The following CEP192 variants were observed in gnomAD, a reference collection of about 807,000 sequenced individuals.
CEP192 encodes the protein centrosomal protein 192.
A neutral mutation model predicts 271.8 loss-of-function variants in CEP192; 151 were observed. That is an observed-to-expected ratio of 0.56 (90% CI 0.49 to 0.64). CEP192 has a LOEUF of 0.64. Among genes scored for constraint, CEP192 ranks in the 30% least tolerant of loss-of-function variants. CEP192 has a pLI of 0.00. For synonymous variants in CEP192, 995 were observed against 1,076.5 expected (o/e 0.92, Z 1.48); for missense variants, 2,910 against 3,020.5 (o/e 0.96, Z 0.86).
intron 13 of CEP192, among the ~76,000 whole-genome samples, chr18:13,038,852 G>A (rs1598425927): frequency 1.3e-5 from 2 of 152,236 alleles, no homozygotes; most frequent in Admixed American, 6.5e-5. Context: ...TAAATGTGAC[G>A]GTTCATGTAA....
chr18:13,026,510 T>C (rs2035309377), intron 9 of CEP192, among the ~76,000 whole-genome samples: 1 of 152,230 alleles, frequency 6.6e-6, no homozygotes, highest in African/African-American at 2.4e-5. Context: ...GTCTTCTCTT[T>C]TTGATATCTC....
chr18:13,090,289 A>G (rs1488699690), intron 33 of CEP192, among the ~76,000 whole-genome samples: 1 of 152,234 alleles, frequency 6.6e-6, no homozygotes, highest in African/African-American at 2.4e-5. Flanking sequence ...GAACAATAAT[A>G]TGAATCTGTA....
intron 9 of CEP192, among the ~76,000 whole-genome samples, chr18:13,023,362 A>G (rs535042434): frequency 2.3e-4 from 35 of 152,214 alleles, no homozygotes; most frequent in Non-Finnish European, 4.1e-4. Flanking sequence ...CTTACTATTA[A>G]GTATGATGCT....
chr18:13,017,086 A>G (rs1255487637), intron 6 of CEP192, 102 bp from the exon 7 acceptor site: 1 of 818,996 alleles, frequency 1.2e-6, no homozygotes, highest in Non-Finnish European at 1.8e-6. Flanking sequence ...CCAAAATCTT[A>G]GTCCATTGAC....
intron 11 of CEP192, among the ~76,000 whole-genome samples, chr18:13,031,144 G>GA: frequency 6.6e-6 from 1 of 152,124 alleles, no homozygotes; most frequent in Admixed American, 6.5e-5. Context: ...TTGAGCTGGA[G>GA]ACTGTGAAGA....
At chr18:13,091,769 T>TG (rs895515122) in intron 33 of CEP192, among the ~76,000 whole-genome samples, 1 of 152,182 alleles carries the variant, frequency 6.6e-6, no homozygotes, top group African/African-American at 2.4e-5. Flanking sequence ...ATGTTTATCT[T>TG]GAACACTCTT....
chr18:13,057,149 T>C (rs1401426321), intron 19 of CEP192, among the ~76,000 whole-genome samples: 1 of 152,152 alleles, frequency 6.6e-6, no homozygotes, highest in East Asian at 1.9e-4. Context: ...CTGTCTTCTC[T>C]GCCCTCCGGA....
At chr18:13,055,447 A>AT (rs1215788555) in intron 18 of CEP192, among the ~76,000 whole-genome samples, 19 of 152,098 alleles carry the variant, frequency 1.2e-4, no homozygotes, top group Admixed American at 1.0e-3. Context: ...ATTTATTTGG[A>AT]TTTTTTTGTA....
rs532002837 is a variant in CEP192, at chr18:13,062,572, A to G, written c.4488+3260A>G. On this transcript the variant is annotated intron_variant, in intron 21 of 44. Transcript: ENST00000506447. ...TCTGGAGTGGTATGGAATTTTTTTT[A>G]ATTTAAAATTTTTCTTTTATTTAAA... Among the ~76,000 whole-genome samples, 307 of 147,938 alleles carry G rather than the reference A, an allele frequency of 2.1e-3. 2 individuals carry two copies. The highest frequency in any genetic ancestry group is 0.021 in the Middle Eastern group (6 of 290).
chr18:13,012,877 C>G, intron 4 of CEP192, 96 bp from the exon 5 acceptor site: 1 of 665,994 alleles, frequency 1.5e-6, no homozygotes, highest in Non-Finnish European at 2.6e-6. Flanking sequence ...TATTCTATTT[C>G]AAGAGAAAAA....
chr18:13,042,220 G>T lies in CEP192; in HGVS notation c.1953G>T (p.Gln651His), dbSNP rs750629373. Residue 651 changes from glutamine (Q) to histidine (H), a missense_variant, in exon 15 of 45, where the codon CAG becomes CAT. By Grantham distance (24) the Gln-to-His change is conservative (BLOSUM62 0). Coordinates refer to ENST00000506447, the MANE Select transcript of CEP192 (RefSeq NM_032142.4). Reference protein sequence around the residue: ...HDLYSGDLNEQSQAQLSEGSI... With the variant: ...HDLYSGDLNEHSQAQLSEGSI... ...TTCCTGCAGGAGATTTAAATGAACA[G>T]TCCCAGGCACAGCTAAGTGAAGGAT... 6.2e-7 allele frequency: 1 copy of T among 1,612,584 alleles called. No individual in the cohort carries two copies.
chr18:13,028,519 T>A (rs1197655295), intron 9 of CEP192, among the ~76,000 whole-genome samples: 1 of 150,976 alleles, frequency 6.6e-6, no homozygotes, highest in Non-Finnish European at 1.5e-5. Context: ...TGTTTATTTA[T>A]TTTATTTATT....
chr18:13,015,414 A>G lies in CEP192; in HGVS notation c.606A>G (p.Lys202=). The G allele has an allele frequency of 6.4e-7, 1 of 1,551,408 alleles. No individual in the cohort carries two copies. The highest frequency in any genetic ancestry group is 8.7e-7 in the Non-Finnish European group (1 of 1,146,814). Residue 202 remains lysine, a synonymous_variant, in exon 6 of 45, where the codon AAA becomes AAG. Coordinates refer to ENST00000506447, the MANE Select transcript of CEP192 (RefSeq NM_032142.4). ...ACACTAGCTTATTAGAAAATGAGAA[A>G]CTTATCTTACCGACAAGCTTGGAAG... ...LSHTSLLENE[K]LILPTSLEDS... is the part of the protein sequence containing the mutation.
At position 13,109,343 on chromosome 18, in the gene CEP192, T is replaced by C. The variant is rs371518397; in HGVS notation, c.7048-4243T>C. Among the ~76,000 whole-genome samples the C allele has an allele frequency of 1.6e-4, 24 of 152,232 alleles. No homozygotes were observed. In the East Asian group the frequency reaches 3.7e-3, roughly 23 times the overall value. On this transcript the variant is annotated intron_variant, in intron 40 of 44. Coordinates refer to ENST00000506447, the MANE Select transcript of CEP192 (RefSeq NM_032142.4). ...TCACTTATAAGTTGGAGCTAAATATTGGGTACTCATGGATATAAAGATGAC... is the reference window on the plus strand; with the variant it reads ...TCACTTATAAGTTGGAGCTAAATATCGGGTACTCATGGATATAAAGATGAC...
chr18:13,056,757 A>G, intron 19 of CEP192, 59 bp downstream of exon 19: 1 of 1,384,410 alleles, frequency 7.2e-7, no homozygotes, highest in Non-Finnish European at 9.9e-7. Flanking sequence ...TGACACCACA[A>G]AGCTAGTTTG....
intron 40 of CEP192, among the ~76,000 whole-genome samples, chr18:13,108,240 G>A (rs2040047473): frequency 6.6e-6 from 1 of 151,974 alleles, no homozygotes; most frequent in Non-Finnish European, 1.5e-5. Flanking sequence ...ATTATTCTTG[G>A]GAAAGAATGT....
intron 13 of CEP192, 98 bp from the exon 14 acceptor site, chr18:13,040,732 T>C (rs1041753908): frequency 3.9e-5 from 35 of 905,902 alleles, no homozygotes; most frequent in Non-Finnish European, 5.3e-5. Flanking sequence ...AGTTTTTTGA[T>C]GTCATTTAGC....
chr18:13,038,646 A>C, intron 13 of CEP192, 67 bp downstream of exon 13: 3 of 1,197,634 alleles, frequency 2.5e-6, no homozygotes. Flanking sequence ...TTATGATGGC[A>C]CAGTGACTTT....
intron 4 of CEP192, among the ~76,000 whole-genome samples, chr18:13,011,463 C>T (rs1568276531): frequency 6.6e-6 from 1 of 152,106 alleles, no homozygotes; most frequent in Admixed American, 6.5e-5. Flanking sequence ...CGCATTTGCA[C>T]TCCTAGGTAT....
Sources: gnomAD v4.1 joint callset for allele counts (sites outside exome capture counted in the v4.1 genomes callset) on GRCh38, gnomAD v4.1.1 for gene constraint, MANE v1.5 for transcripts, NCBI Gene and HGNC (gene_info 2026-07-23, HGNC 2026-07-21) for gene names.